Variants in AP2B1 observed in about 807,000 individuals in gnomAD.
AP2B1 encodes the protein adaptor related protein complex 2 subunit beta 1.
Under a neutral mutation model 102.0 loss-of-function variants are expected in AP2B1, and 23 were observed. The ratio of observed to expected loss-of-function variants is 0.23; its 90% CI spans 0.16 to 0.32. The LOEUF is 0.32. Among genes scored for constraint, AP2B1 ranks in the 10% least tolerant of loss-of-function variants. AP2B1 has a pLI of 1.00. For missense variants in AP2B1, 541 were observed against 1,157.4 expected (o/e 0.47, Z 7.73); for synonymous variants, 381 against 421.2 (o/e 0.90, Z 1.17).
intron 3 of AP2B1, among the ~76,000 whole-genome samples, chr17:35,599,871 C>T (rs995782717): frequency 1.3e-5 from 2 of 152,076 alleles, no homozygotes; most frequent in African/African-American, 4.8e-5. Flanking sequence ...GATTGTGCCA[C>T]TGCACTCCAG....
At chr17:35,597,680 A>G (rs1408490478) in intron 2 of AP2B1, among the ~76,000 whole-genome samples, 1 of 152,184 alleles carries the variant, frequency 6.6e-6, no homozygotes, top group Non-Finnish European at 1.5e-5. Context: ...TGGAGCCTGT[A>G]CTTTGCTATA....
intron 18 of AP2B1, among the ~76,000 whole-genome samples, chr17:35,698,363 G>A (rs2076179863): frequency 6.6e-6 from 1 of 152,130 alleles, no homozygotes; most frequent in Admixed American, 6.5e-5. Flanking sequence ...AGGCAGGAGT[G>A]CAGTGGCGTG....
intron 12 of AP2B1, among the ~76,000 whole-genome samples, chr17:35,648,172 G>T (rs2074989087): frequency 6.6e-6 from 1 of 152,072 alleles, no homozygotes. Flanking sequence ...TACTTTTGAG[G>T]TAGGTACCAG....
intron 3 of AP2B1, among the ~76,000 whole-genome samples, chr17:35,604,670 A>G (rs1023915076): frequency 6.6e-6 from 1 of 152,120 alleles, no homozygotes; most frequent in Non-Finnish European, 1.5e-5. Flanking sequence ...ACACATTAGA[A>G]TTGCTTGAAC....
chr17:35,722,013 G>T (rs1364881849), intron 21 of AP2B1, among the ~76,000 whole-genome samples: 2 of 152,176 alleles, frequency 1.3e-5, no homozygotes, highest in Non-Finnish European at 2.9e-5. Context: ...GGCCGAGGTG[G>T]GTGGATCACC....
At chr17:35,653,416 C>A (rs770387253) in intron 13 of AP2B1, among the ~76,000 whole-genome samples, 3 of 152,210 alleles carry the variant, frequency 2.0e-5, no homozygotes, top group Admixed American at 2.0e-4. Context: ...ACCAAGCTTA[C>A]TTCTCTAGCT....
chr17:35,668,191 C>T (rs779150529), intron 14 of AP2B1, among the ~76,000 whole-genome samples: 8 of 152,126 alleles, frequency 5.3e-5, no homozygotes, highest in Non-Finnish European at 1.0e-4. Context: ...CCGGCCTCGG[C>T]TTCCCAAAGT....
At chr17:35,692,560 C>G (rs2076061135) in intron 18 of AP2B1, among the ~76,000 whole-genome samples, 1 of 152,186 alleles carries the variant, frequency 6.6e-6, no homozygotes, top group Non-Finnish European at 1.5e-5. Context: ...AGAACTCACT[C>G]AGTTTTTTCC....
In AP2B1 at chr17:35,670,910, C is replaced by T. The variant is rs1372595814; in HGVS notation, c.2031+12C>T. ...GAGGAAGTCCGGCAGTAAGTGCCAT[C>T]TGTTTTTTTCACCATGAGAAGCACT... On this transcript the variant is annotated intron_variant, in intron 15 of 21. Transcript: ENST00000610402. The T allele has an allele frequency of 6.2e-7, 1 of 1,613,938 alleles. No homozygotes were observed. The highest frequency in any genetic ancestry group is 8.5e-7 in the Non-Finnish European group (1 of 1,179,900).
At chr17:35,720,393 G>T (rs1555592176) in intron 21 of AP2B1, among the ~76,000 whole-genome samples, 1 of 151,100 alleles carries the variant, frequency 6.6e-6, no homozygotes, top group South Asian at 2.1e-4. Context: ...GGAAGAAAAA[G>T]ATATCCCAGA....
intron 18 of AP2B1, among the ~76,000 whole-genome samples, chr17:35,705,919 C>T (rs946593608): frequency 6.6e-6 from 1 of 152,146 alleles, no homozygotes; most frequent in Non-Finnish European, 1.5e-5. Flanking sequence ...CAAATATTAA[C>T]TCATTATCCT....
Position 35,709,690 on chromosome 17 carries a change from T to C in AP2B1, c.2539+382T>C, listed in dbSNP as rs144710923. Among the ~76,000 whole-genome samples, 864 of 152,322 alleles carry C rather than the reference T, an allele frequency of 5.7e-3. 4 individuals are homozygous for C. The highest frequency in any genetic ancestry group is 9.6e-3 in the Non-Finnish European group (650 of 68,034). ...AGTGTAAATAATTTTTATAATTATT[T>C]CATGAGATAATACATGTAAATTTAG... is the stretch of plus-strand genomic sequence containing the variant. On this transcript the variant is annotated intron_variant, in intron 19 of 21. Coordinates refer to ENST00000610402, the MANE Select transcript of AP2B1 (RefSeq NM_001030006.2).
intron 18 of AP2B1, among the ~76,000 whole-genome samples, chr17:35,699,349 CA>C (rs1444174311): frequency 6.6e-6 from 1 of 152,212 alleles, no homozygotes; most frequent in East Asian, 1.9e-4. Flanking sequence ...CCTAATCTGT[CA>C]AATTTTCCCT....
At chr17:35,686,808 CA>C (rs1216353658) in intron 18 of AP2B1, among the ~76,000 whole-genome samples, 5 of 151,456 alleles carry the variant, frequency 3.3e-5, no homozygotes, top group Non-Finnish European at 7.4e-5. Context: ...ACTAAAAATG[CA>C]AAAAAAATTA....
chr17:35,718,901 A>C (rs920471217), intron 21 of AP2B1, among the ~76,000 whole-genome samples: 1 of 152,138 alleles, frequency 6.6e-6, no homozygotes, highest in African/African-American at 2.4e-5. Context: ...AAGAATGATT[A>C]GTGACTAGTT....
intron 14 of AP2B1, among the ~76,000 whole-genome samples, chr17:35,669,536 C>A (rs62079757): frequency 6.6e-6 from 1 of 152,156 alleles, no homozygotes; most frequent in South Asian, 2.1e-4. Flanking sequence ...AATGTTAGCT[C>A]TGGTTTGGAA....
intron 18 of AP2B1, among the ~76,000 whole-genome samples, chr17:35,688,310 G>GT (rs1567988155): frequency 6.6e-6 from 1 of 152,102 alleles, no homozygotes; most frequent in African/African-American, 2.4e-5. Context: ...TTCATACTAG[G>GT]TTAGGAATCA....
rs746621449 is a variant in AP2B1 at position 35,671,790 on chromosome 17, A to G, written c.2068A>G (p.Thr690Ala). 2.6e-5 allele frequency: 42 copies of G among 1,613,764 alleles called. No individual in the cohort carries two copies. The highest frequency in any genetic ancestry group is 5.0e-5 in the Admixed American group (3 of 60,000). The change falls in exon 16 of 22, where the codon ACC (threonine) becomes GCC (alanine). Residue 690 changes from threonine to alanine, a missense_variant. Transcript: ENST00000610402. ...CTTCATCCCATCATCGGTGCCTGCA[A>G]CCTTTGCTCCTTCACCTACACCTGC... ...QSFIPSSVPATFAPSPTPAVV... is the reference protein window; with the variant it reads ...QSFIPSSVPAAFAPSPTPAVV...
At chr17:35,622,402 A>G (rs1242241959) in intron 5 of AP2B1, among the ~76,000 whole-genome samples, 1 of 152,202 alleles carries the variant, frequency 6.6e-6, no homozygotes, top group Non-Finnish European at 1.5e-5. Flanking sequence ...TTCTCTAGAC[A>G]TTTATCTTCT....
Sources: allele counts gnomAD v4.1 joint callset (sites outside exome capture counted in the v4.1 genomes callset), GRCh38; gene constraint gnomAD v4.1.1; transcripts MANE v1.5; gene names NCBI Gene and HGNC (gene_info 2026-07-23, HGNC 2026-07-21).